Variants in CFAP61 observed in about 807,000 individuals in gnomAD.
CFAP61 encodes the protein cilia and flagella associated protein 61.
A neutral mutation model predicts 135.6 loss-of-function variants in CFAP61; 107 were observed. The observed-to-expected ratio is 0.79, with a 90% CI of 0.67 to 0.93. The LOEUF is 0.93. Ranked by LOEUF, CFAP61 falls within the 40% of genes least tolerant of loss-of-function variation. The probability of loss-of-function intolerance (pLI) is 0.00; values close to 1 mark genes in which losing one functional copy is unlikely to be tolerated. For missense variants in CFAP61, 1,507 were observed against 1,556.2 expected, an observed-to-expected ratio of 0.97 and a Z score of 0.53; for synonymous variants, 575 against 578.5, an observed-to-expected ratio of 0.99 and a Z score of 0.09.
At chr20:20,237,518 A>C (rs1301273724) in intron 18 of CFAP61, among the ~76,000 whole-genome samples, 1 of 152,150 alleles carries the variant, frequency 6.6e-6, no homozygotes, top group Non-Finnish European at 1.5e-5. Context: ...AGAATCCTCC[A>C]TCCCACACCT....
rs548985979 is a variant in CFAP61 at position 20,100,026 on chromosome 20, G to C, written c.859+1212G>C. On this transcript the variant is annotated intron_variant, in intron 8 of 26. Coordinates refer to ENST00000245957, the MANE Select transcript of CFAP61 (RefSeq NM_015585.4). ...GATTTGGGGTCCTTATTGTTTAATA[G>C]TGAAGCCTTGCTTGCCATGCTTCCC... is the stretch of plus-strand genomic sequence containing the variant. 3.6e-4 allele frequency among the ~76,000 whole-genome samples: 55 copies of C among 152,250 alleles called. 1 individual carries two copies. The South Asian group carries it at 0.011, about 30-fold the overall frequency.
At chr20:20,238,623 C>T (rs1449044678) in intron 18 of CFAP61, among the ~76,000 whole-genome samples, 1 of 152,154 alleles carries the variant, frequency 6.6e-6, no homozygotes, top group Admixed American at 6.5e-5. Flanking sequence ...CCTAGCAGGC[C>T]GACATGTATC....
At chr20:20,145,069 G>A (rs1311603792) in intron 9 of CFAP61, among the ~76,000 whole-genome samples, 1 of 152,068 alleles carries the variant, frequency 6.6e-6, no homozygotes. Context: ...GTATCAGATG[G>A]AAATTTGGCT....
chr20:20,252,325 A>C (rs2146986442), intron 20 of CFAP61, among the ~76,000 whole-genome samples: 1 of 152,328 alleles, frequency 6.6e-6, no homozygotes, highest in South Asian at 2.1e-4. Context: ...GAAGCTGTTC[A>C]ATGTCTTAGG....
At chr20:20,277,906 G>A (rs533367474) in intron 22 of CFAP61, among the ~76,000 whole-genome samples, 1 of 152,300 alleles carries the variant, frequency 6.6e-6, no homozygotes, top group East Asian at 1.9e-4. Flanking sequence ...CTCACAACAT[G>A]GTGGTTTGGG....
chr20:20,305,998 G>A (rs962905355), intron 25 of CFAP61, among the ~76,000 whole-genome samples: 3 of 152,150 alleles, frequency 2.0e-5, no homozygotes, highest in Non-Finnish European at 4.4e-5. Context: ...GACCAAGGAG[G>A]AGGCGAAAGT....
chr20:20,228,974 C>T (rs995915871), intron 18 of CFAP61, among the ~76,000 whole-genome samples: 3 of 152,198 alleles, frequency 2.0e-5, no homozygotes. Context: ...ATTACAAATA[C>T]ACTTTCAGAA....
rs2273057 is a variant in CFAP61, at chr20:20,052,598, A to T, written c.-37+7A>T. On this transcript the variant is annotated splice_region_variant and intron_variant, in intron 1 of 26. Coordinates refer to ENST00000245957, the MANE Select transcript of CFAP61 (RefSeq NM_015585.4). ...TCCTGGAGCTGCGGATGAGGTGGGT[A>T]ACGCCGTGCTGACTAGCAGCGACGC... The T allele has an allele frequency of 0.48, 781,003 of 1,613,452 alleles. 190,787 individuals carry two copies. The highest frequency in any genetic ancestry group is 0.67 in the East Asian group (30,090 of 44,832).
rs60601313 is a variant in CFAP61 at position 20,092,233 on chromosome 20, A to G, written c.699+1257A>G. Among the ~76,000 whole-genome samples the G allele has an allele frequency of 3.2e-3, 489 of 152,314 alleles. 1 individual carries two copies. The highest frequency in any genetic ancestry group is 0.011 in the African/African-American group (462 of 41,568). The stretch of plus-strand genomic sequence containing the variant: ...TGGATTTGTACAATGTTTTCTCATG[A>G]TTTGATTCAAGTTATATATGATTAA... On this transcript the variant is annotated intron_variant, in intron 7 of 26. Coordinates refer to ENST00000245957, the MANE Select transcript of CFAP61 (RefSeq NM_015585.4).
chr20:20,329,855 C>T (rs1054019409), intron 25 of CFAP61, among the ~76,000 whole-genome samples: 2 of 152,258 alleles, frequency 1.3e-5, no homozygotes, highest in African/African-American at 2.4e-5. Flanking sequence ...TGCCTCTGTA[C>T]GCAGCGCCTG....
intron 22 of CFAP61, among the ~76,000 whole-genome samples, chr20:20,287,602 C>T (rs1034282740): frequency 3.3e-5 from 5 of 152,124 alleles, no homozygotes; most frequent in African/African-American, 1.2e-4. Context: ...ACCTCTTGCC[C>T]AAGGACAGCT....
At position 20,164,079 on chromosome 20, in the gene CFAP61, T is replaced by C. The variant is rs1372749984; in HGVS notation, c.1056T>C (p.Thr352=). Residue 352 remains threonine, a synonymous_variant, in exon 11 of 27, where the codon ACT becomes ACC. Coordinates refer to ENST00000245957, the MANE Select transcript of CFAP61 (RefSeq NM_015585.4). ...TAGAAAAACTCAGTGACATCTCCACTGGATATGCACAGTATCACCATGTCA... is the reference window on the plus strand; with the variant it reads ...TAGAAAAACTCAGTGACATCTCCACCGGATATGCACAGTATCACCATGTCA... ...EDIEKLSDIS[T]GYAQYHHVSS... The C allele has an allele frequency of 6.2e-7, 1 of 1,611,832 alleles. No homozygotes were observed. Among genetic ancestry groups the C allele is most frequent in the African/African-American group, 1.3e-5 (1 of 74,818 alleles).
Position 20,199,878 on chromosome 20 carries a change from A to G in CFAP61, c.1908A>G (p.Pro636=). The change falls in exon 17 of 27, where the codon CCA becomes CCG. Residue 636 remains proline, a synonymous_variant. Coordinates refer to ENST00000245957, the MANE Select transcript of CFAP61 (RefSeq NM_015585.4). ...TGGAAAAGCTTGGCATAAACGCTCCATCAAAGGCGGTCTCCAAGGATCCGG... is the reference window on the plus strand; with the variant it reads ...TGGAAAAGCTTGGCATAAACGCTCCGTCAAAGGCGGTCTCCAAGGATCCGG... The part of the protein sequence containing the change: ...YPLEKLGINA[P]SKAVSKDPMS... The G allele has an allele frequency of 6.2e-7, 1 of 1,614,098 alleles. No homozygotes were observed. The highest frequency in any genetic ancestry group is 8.5e-7 in the Non-Finnish European group (1 of 1,180,018).
chr20:20,060,630 A>AGCCACACATCCTGTCACTTAC, intron 2 of CFAP61, among the ~76,000 whole-genome samples: 1 of 152,358 alleles, frequency 6.6e-6, no homozygotes, highest in Admixed American at 6.5e-5. Flanking sequence ...GGCTCCAATG[A>AGCCACACATCCTGTCACTTAC]GCCACACATC....
intron 26 of CFAP61, among the ~76,000 whole-genome samples, chr20:20,346,535 A>AAAC (rs34477063): frequency 6.7e-6 from 1 of 150,016 alleles, no homozygotes; most frequent in African/African-American, 2.5e-5. Context: ...AAAAAAAAAA[A>AAAC]TCTTCATAAC....
intron 25 of CFAP61, among the ~76,000 whole-genome samples, chr20:20,300,601 T>A (rs954418634): frequency 3.3e-5 from 5 of 152,050 alleles, no homozygotes; most frequent in Admixed American, 1.3e-4. Context: ...TTCTTTTGTT[T>A]TTTTTGTTTT....
intron 17 of CFAP61, among the ~76,000 whole-genome samples, chr20:20,204,030 G>A (rs1354911097): frequency 6.6e-6 from 1 of 152,198 alleles, no homozygotes; most frequent in Non-Finnish European, 1.5e-5. Flanking sequence ...CAGAAAACCT[G>A]CTTTGAACTT....
chr20:20,056,111 G>A, intron 1 of CFAP61: 1 of 856,522 alleles, frequency 1.2e-6, no homozygotes, highest in Non-Finnish European at 1.9e-6. Context: ...TAATGGGCCT[G>A]GTGGCCCTTC....
intron 18 of CFAP61, among the ~76,000 whole-genome samples, chr20:20,245,585 T>C (rs2050384196): frequency 6.6e-6 from 1 of 152,216 alleles, no homozygotes; most frequent in East Asian, 1.9e-4. Flanking sequence ...GAGATTTGAG[T>C]GGGGACACAG....
Sources: allele counts gnomAD v4.1 joint callset (sites outside exome capture counted in the v4.1 genomes callset), GRCh38; gene constraint gnomAD v4.1.1; transcripts MANE v1.5; gene names NCBI Gene and HGNC (gene_info 2026-07-23, HGNC 2026-07-21).